The following WDFY3 variants were observed in gnomAD, a reference collection of about 807,000 sequenced individuals.
The protein encoded by WDFY3 is WD repeat and FYVE domain containing 3.
Under a neutral mutation model 409.6 loss-of-function variants are expected in WDFY3, and 66 were observed. The observed-to-expected ratio is 0.16, with a 90% CI of 0.13 to 0.20. The LOEUF is 0.20. WDFY3 is among the 10% of genes least tolerant of loss of function. The probability of loss-of-function intolerance (pLI) is 1.00; values close to 1 mark genes in which losing one functional copy is unlikely to be tolerated. For synonymous variants in WDFY3, 1,521 were observed against 1,537.1 expected (o/e 0.99, Z 0.25); for missense variants, 3,031 against 4,298.1 (o/e 0.71, Z 8.24).
intron 61 of WDFY3, among the ~76,000 whole-genome samples, chr4:84,688,525 G>C (rs1728704579): frequency 6.6e-6 from 1 of 152,166 alleles, no homozygotes. Flanking sequence ...CTTTCCTGGA[G>C]TTGGGCCAGG....
intron 13 of WDFY3, among the ~76,000 whole-genome samples, chr4:84,816,015 CTATT>C (rs1381011355): frequency 4.6e-5 from 7 of 151,992 alleles, no homozygotes; most frequent in Admixed American, 1.3e-4. Flanking sequence ...TTCCTCTTCT[CTATT>C]TGTTTGATTG....
intron 2 of WDFY3, among the ~76,000 whole-genome samples, chr4:84,907,326 CATT>C (rs1414755974): frequency 6.6e-6 from 1 of 152,158 alleles, no homozygotes; most frequent in Non-Finnish European, 1.5e-5. Context: ...TTATAAAAGA[CATT>C]ATGACTTCCT....
intron 3 of WDFY3, among the ~76,000 whole-genome samples, chr4:84,877,982 C>T (rs961019350): frequency 6.6e-6 from 1 of 152,072 alleles, no homozygotes; most frequent in African/African-American, 2.4e-5. Flanking sequence ...AACAAGAAAA[C>T]TTAGAAGACA....
intron 8 of WDFY3, among the ~76,000 whole-genome samples, chr4:84,830,293 TTATG>T (rs1755513108): frequency 6.6e-6 from 1 of 152,220 alleles, no homozygotes; most frequent in Non-Finnish European, 1.5e-5. Context: ...AAACTGTACT[TTATG>T]TAACCATATA....
chr4:84,733,234 C>T, intron 44 of WDFY3, 148 bp downstream of exon 44: 1 of 898,704 alleles, frequency 1.1e-6, no homozygotes, highest in Non-Finnish European at 1.7e-6. Flanking sequence ...TTCACTCCAC[C>T]TCCACTCTGA....
intron 3 of WDFY3, among the ~76,000 whole-genome samples, chr4:84,864,635 C>T (rs548448537): frequency 6.6e-6 from 1 of 152,212 alleles, no homozygotes; most frequent in Admixed American, 6.5e-5. Context: ...AATGGGATTG[C>T]TTCCTACCTT....
intron 1 of WDFY3, among the ~76,000 whole-genome samples, chr4:84,962,432 C>T (rs1411319255): frequency 3.9e-5 from 6 of 152,026 alleles, no homozygotes; most frequent in Admixed American, 2.6e-4. Context: ...ATATGCCAGA[C>T]GAGATAAAAC....
chr4:84,825,545 C>T (rs1372188826), intron 10 of WDFY3, among the ~76,000 whole-genome samples: 1 of 151,730 alleles, frequency 6.6e-6, no homozygotes, highest in Non-Finnish European at 1.5e-5. Flanking sequence ...AAAATGAAAC[C>T]TTAAATCACT....
intron 2 of WDFY3, among the ~76,000 whole-genome samples, chr4:84,914,192 C>T (rs1052835979): frequency 4.6e-5 from 7 of 151,972 alleles, no homozygotes; most frequent in Admixed American, 1.3e-4. Context: ...GAGGCCGAGG[C>T]GGGCGGATCA....
chr4:84,892,023 ATT>A (rs200646761), intron 3 of WDFY3, among the ~76,000 whole-genome samples: 9,302 of 135,720 alleles, frequency 0.069, 391 homozygotes, highest in Admixed American at 0.13. Flanking sequence ...ATGGCCTTCA[ATT>A]TTTTTTTTTT....
chr4:84,764,079 C>G (rs992330915), intron 32 of WDFY3, among the ~76,000 whole-genome samples: 3 of 152,112 alleles, frequency 2.0e-5, no homozygotes, highest in Non-Finnish European at 2.9e-5. Context: ...ATATGCCTGT[C>G]TCCAGAATTA....
At chr4:84,777,953 G>A (rs1305846724) in intron 27 of WDFY3, among the ~76,000 whole-genome samples, 1 of 152,090 alleles carries the variant, frequency 6.6e-6, no homozygotes, top group East Asian at 1.9e-4. Flanking sequence ...TAATAAGCCA[G>A]TAGAAATGAA....
chr4:84,924,570 C>A (rs1769723842), intron 2 of WDFY3, among the ~76,000 whole-genome samples: 1 of 152,168 alleles, frequency 6.6e-6, no homozygotes, highest in Non-Finnish European at 1.5e-5. Flanking sequence ...CAAAACAGAA[C>A]ATTGAGAATA....
intron 7 of WDFY3, among the ~76,000 whole-genome samples, chr4:84,836,372 T>C (rs1756573850): frequency 6.6e-6 from 1 of 152,152 alleles, no homozygotes; most frequent in Non-Finnish European, 1.5e-5. Context: ...AAGGATATCA[T>C]ACATGATGAC....
chr4:84,783,909 C>T (rs1024344499), intron 24 of WDFY3, among the ~76,000 whole-genome samples: 6 of 147,856 alleles, frequency 4.1e-5, no homozygotes, highest in Admixed American at 6.7e-5. Context: ...AAAAGCTCTG[C>T]GTAAGAGTTG....
At chr4:84,933,105 C>A (rs139273828) in intron 1 of WDFY3, among the ~76,000 whole-genome samples, 1,931 of 152,270 alleles carry the variant, frequency 0.013, 23 homozygotes, top group Middle Eastern at 0.041. Flanking sequence ...GGCCTTCTAA[C>A]TCTAAAATGT....
chr4:84,957,312 AAT>A (rs1774364811), intron 1 of WDFY3, among the ~76,000 whole-genome samples: 1 of 152,046 alleles, frequency 6.6e-6, no homozygotes, highest in East Asian at 1.9e-4. Context: ...GACTTCTCAC[AAT>A]GGACTATAAC....
At chr4:84,919,877 A>G (rs1769038611) in intron 2 of WDFY3, among the ~76,000 whole-genome samples, 1 of 152,176 alleles carries the variant, frequency 6.6e-6, no homozygotes, top group African/African-American at 2.4e-5. Context: ...TATATAGTGG[A>G]AAAATCAGAC....
chr4:84,928,826 G>A (rs1193508786), intron 2 of WDFY3, among the ~76,000 whole-genome samples: 6 of 152,092 alleles, frequency 3.9e-5, no homozygotes, highest in East Asian at 3.9e-4. Flanking sequence ...TGTTAATAAC[G>A]TAGCGAAGTG....
Sources: allele counts gnomAD v4.1 joint callset (sites outside exome capture counted in the v4.1 genomes callset), GRCh38; gene constraint gnomAD v4.1.1; transcripts MANE v1.5; gene names NCBI Gene and HGNC (gene_info 2026-07-23, HGNC 2026-07-21).